Variants in CIDEC observed in about 807,000 individuals in gnomAD.
The protein encoded by CIDEC is lipid transferase CIDEC.
A neutral mutation model predicts 21.9 loss-of-function variants in CIDEC; 11 were observed. That is an observed-to-expected ratio of 0.50 (90% CI 0.32 to 0.83). The LOEUF is 0.83. Ranked by LOEUF, CIDEC falls within the 40% of genes least tolerant of loss-of-function variation. The pLI, the probability that CIDEC is intolerant of heterozygous loss-of-function variation, is 0.04. For missense variants in CIDEC, 302 were observed against 302.3 expected (o/e 1.00, Z 0.01); for synonymous variants, 127 against 124.9 (o/e 1.02, Z -0.11).
At chr3:9,869,783 C>G in intron 6 of CIDEC, 99 bp downstream of exon 6, 2 of 1,139,460 alleles carry the variant, frequency 1.8e-6, no homozygotes, top group Non-Finnish European at 2.6e-6. Context: ...AGCACCAAAG[C>G]CAGACCCAGG....
At chr3:9,870,468 T>C (rs1472131539) in intron 4 of CIDEC, 146 bp from the exon 5 acceptor site, 1 of 1,541,308 alleles carries the variant, frequency 6.5e-7, no homozygotes, top group Admixed American at 1.9e-5. Context: ...GCTTCAGGGT[T>C]CCTAGTCTAG....
intron 6 of CIDEC, among the ~76,000 whole-genome samples, chr3:9,868,494 T>G (rs1246222527): frequency 6.6e-6 from 1 of 152,196 alleles, no homozygotes; most frequent in Non-Finnish European, 1.5e-5. Flanking sequence ...GAGCTTCAGC[T>G]TCCTCATGGG....
intron 6 of CIDEC, among the ~76,000 whole-genome samples, chr3:9,869,132 C>G (rs1299689114): frequency 6.6e-6 from 1 of 152,114 alleles, no homozygotes; most frequent in Non-Finnish European, 1.5e-5. Context: ...CTCAACCTAT[C>G]TCATCATTCT....
intron 6 of CIDEC, among the ~76,000 whole-genome samples, chr3:9,869,304 G>A (rs1400674654): frequency 6.6e-6 from 1 of 151,792 alleles, no homozygotes; most frequent in South Asian, 2.1e-4. Context: ...AGGCTGGAGT[G>A]CAGTGGCAGA....
intron 4 of CIDEC, among the ~76,000 whole-genome samples, chr3:9,871,976 G>GT (rs2082354659): frequency 6.6e-6 from 1 of 151,740 alleles, no homozygotes; most frequent in African/African-American, 2.4e-5. Flanking sequence ...GTTTTGTTTT[G>GT]TTTTTTGTTT....
intron 4 of CIDEC, among the ~76,000 whole-genome samples, chr3:9,876,443 C>A (rs1319505428): frequency 6.6e-6 from 1 of 151,774 alleles, no homozygotes; most frequent in Non-Finnish European, 1.5e-5. Flanking sequence ...CACTGCACTA[C>A]AACTTGGGTG....
intron 6 of CIDEC, among the ~76,000 whole-genome samples, chr3:9,867,900 A>G (rs1484642546): frequency 6.6e-6 from 1 of 152,204 alleles, no homozygotes; most frequent in Non-Finnish European, 1.5e-5. Flanking sequence ...ACTGCACTCC[A>G]GCCTGGGTGA....
chr3:9,870,384 G>A (rs766219210), intron 4 of CIDEC, 62 bp from the exon 5 acceptor site: 15 of 1,600,102 alleles, frequency 9.4e-6, no homozygotes, highest in Non-Finnish European at 1.3e-5. Context: ...ACTCTATGAG[G>A]TGGAACTGGA....
chr3:9,877,020 G>T, intron 4 of CIDEC, 46 bp downstream of exon 4: 1 of 1,504,728 alleles, frequency 6.6e-7, no homozygotes, highest in South Asian at 1.2e-5. Flanking sequence ...CATCTCTGCT[G>T]AATCCCAGCT....
chr3:9,874,996 G>A (rs1020970483), intron 4 of CIDEC, among the ~76,000 whole-genome samples: 1 of 152,130 alleles, frequency 6.6e-6, no homozygotes, highest in African/African-American at 2.4e-5. Flanking sequence ...GCCTCCCAAA[G>A]TGTTAGGATT....
At position 9,878,449 on chromosome 3, in the gene CIDEC, G is replaced by C; in HGVS notation, c.38C>G (p.Pro13Arg). 6.2e-7 allele frequency: 1 copy of C among 1,613,392 alleles called. No homozygotes were observed. The highest frequency in any genetic ancestry group is 8.5e-7 in the Non-Finnish European group (1 of 1,179,376). The change falls in exon 3 of 7, where the codon CCC (proline) becomes CGC (arginine). Residue 13 changes from proline to arginine, a missense_variant. Pro to Arg is a moderately radical substitution (Grantham distance 103). Coordinates refer to ENST00000336832, the MANE Select transcript of CIDEC (RefSeq NM_001321142.2). ...CTTTCCTCACCTGGAGAGGGACTTG[G>C]GGTAGAGAAGGCTAAGGGACTTCAT... ...YAMKSLSLLY[P>R]KSLSRHVSVR...
At chr3:9,878,868 T>C (rs1026056674) in intron 2 of CIDEC, 74 bp downstream of exon 2, 13 of 1,494,866 alleles carry the variant, frequency 8.7e-6, no homozygotes, top group East Asian at 2.5e-5. Flanking sequence ...TTCCTGTCCA[T>C]GGGGACAGAG....
chr3:9,869,444 T>C (rs1016866674), intron 6 of CIDEC, among the ~76,000 whole-genome samples: 1 of 151,734 alleles, frequency 6.6e-6, no homozygotes, highest in African/African-American at 2.4e-5. Flanking sequence ...GAGATTAGGT[T>C]TTGCCATGTT....
chr3:9,873,992 C>G (rs1362417497), intron 4 of CIDEC, among the ~76,000 whole-genome samples: 1 of 151,980 alleles, frequency 6.6e-6, no homozygotes, highest in East Asian at 1.9e-4. Flanking sequence ...CCATTCTCCA[C>G]TAAAATGAAA....
intron 2 of CIDEC, chr3:9,878,721 C>A: frequency 6.5e-7 from 1 of 1,532,524 alleles, no homozygotes; most frequent in Non-Finnish European, 8.7e-7. Flanking sequence ...CTCTCCCCAC[C>A]GGGTGCTCAG....
intron 1 of CIDEC, among the ~76,000 whole-genome samples, chr3:9,879,535 A>G (rs1395907245): frequency 6.6e-6 from 1 of 152,178 alleles, no homozygotes; most frequent in Non-Finnish European, 1.5e-5. Flanking sequence ...CCACATTGCC[A>G]TGTGGCTGTT....
intron 2 of CIDEC, 138 bp from the exon 3 acceptor site, chr3:9,878,649 C>T (rs1340937911): frequency 2.3e-5 from 29 of 1,275,382 alleles, no homozygotes; most frequent in Admixed American, 6.0e-5. Flanking sequence ...ACATACCTCC[C>T]CCAGCCCTTC....
In CIDEC at chr3:9,867,039, C is replaced by A. The variant is rs988462569; in HGVS notation, c.*95G>T. 8 of 1,394,464 alleles carry A rather than the reference C, an allele frequency of 5.7e-6. No individual in the cohort carries two copies. In the East Asian group the frequency reaches 1.6e-4, roughly 28 times the overall value. 86.4% of individuals were successfully genotyped at this position (1,394,464 alleles called of 1,614,324 possible). On this transcript the variant is annotated 3_prime_UTR_variant, in exon 7 of 7. Transcript: ENST00000336832. ...GGTGAGGGAGGTGTGGGGAGGTTCG[C>A]GGCTCTACAGCTGCCAGGCTTGTGG...
At chr3:9,871,337 C>T (rs1337385382) in intron 4 of CIDEC, among the ~76,000 whole-genome samples, 1 of 148,704 alleles carries the variant, frequency 6.7e-6, no homozygotes, top group Non-Finnish European at 1.5e-5. Flanking sequence ...TGCCATGTTG[C>T]CCAGCTAATT....
Sources: allele counts gnomAD v4.1 joint callset (sites outside exome capture counted in the v4.1 genomes callset), GRCh38; gene constraint gnomAD v4.1.1; transcripts MANE v1.5; gene names NCBI Gene and HGNC (gene_info 2026-07-23, HGNC 2026-07-21).